The following SORCS3 variants were observed in gnomAD, a reference collection of about 807,000 sequenced individuals.
SORCS3 encodes VPS10 domain-containing receptor SorCS3.
Under a neutral mutation model 146.3 loss-of-function variants are expected in SORCS3, and 57 were observed. The ratio of observed to expected loss-of-function variants is 0.39; its 90% confidence interval spans 0.31 to 0.49. The LOEUF is 0.49. Among genes scored for constraint, SORCS3 ranks in the 20% least tolerant of loss-of-function variants. The pLI, the probability that SORCS3 is intolerant of heterozygous loss-of-function variation, is 0.92. For missense variants in SORCS3, 1,341 were observed against 1,575.5 expected, an observed-to-expected ratio of 0.85 and a Z score of 2.52; for synonymous variants, 653 against 618.5, an observed-to-expected ratio of 1.06 and a Z score of -0.83.
intron 19 of SORCS3, among the ~76,000 whole-genome samples, chr10:105,222,562 G>A (rs2056710242): frequency 6.6e-6 from 1 of 152,132 alleles, no homozygotes; most frequent in Admixed American, 6.5e-5. Flanking sequence ...TGGGAACCTG[G>A]CATTTGTTTC....
intron 4 of SORCS3, among the ~76,000 whole-genome samples, chr10:105,019,270 A>G (rs531646912): frequency 1.5e-4 from 23 of 152,138 alleles, no homozygotes; most frequent in Admixed American, 2.6e-4. Context: ...ACCATTACTT[A>G]ATGTCATTAA....
chr10:104,968,741 A>G (rs1332288950), intron 3 of SORCS3, among the ~76,000 whole-genome samples: 2 of 152,230 alleles, frequency 1.3e-5, no homozygotes, highest in East Asian at 3.8e-4. Context: ...CTATAATTAT[A>G]CATTGAAAGG....
chr10:104,890,532 T>C (rs564483459), intron 2 of SORCS3, among the ~76,000 whole-genome samples: 4 of 152,324 alleles, frequency 2.6e-5, no homozygotes, highest in African/African-American at 9.6e-5. Context: ...ATCTGAAAGT[T>C]TGATTTGTGT....
rs76389693 is a variant in SORCS3, at chr10:104,652,663, G to A, written c.627+10709G>A. ...AAACCCCAAGATTCTTATTCCAGGC[G>A]TGTTGTACAATTTTTTTCAAGTCAC... is the stretch of plus-strand genomic sequence containing the variant. On this transcript the variant is annotated intron_variant, in intron 1 of 26. Transcript: ENST00000369701. Among the ~76,000 whole-genome samples, 13 of 152,228 alleles carry A rather than the reference G, an allele frequency of 8.5e-5. No homozygotes were observed. The East Asian group carries it at 2.3e-3, about 27-fold the overall frequency.
chr10:105,040,443 C>A (rs1464096323), intron 4 of SORCS3, among the ~76,000 whole-genome samples: 1 of 152,156 alleles, frequency 6.6e-6, no homozygotes, highest in Non-Finnish European at 1.5e-5. Context: ...GCCATATTGG[C>A]ACCTTTGCTC....
chr10:104,893,472 C>T (rs1225843218), intron 2 of SORCS3, among the ~76,000 whole-genome samples: 1 of 152,170 alleles, frequency 6.6e-6, no homozygotes, highest in African/African-American at 2.4e-5. Flanking sequence ...AGGTAAGGTG[C>T]AGTTCACTCC....
At chr10:104,652,191 T>C (rs2015571355) in intron 1 of SORCS3, among the ~76,000 whole-genome samples, 1 of 152,186 alleles carries the variant, frequency 6.6e-6, no homozygotes, top group Non-Finnish European at 1.5e-5. Flanking sequence ...TTGGTCTTAC[T>C]TCAAGCAGAT....
intron 9 of SORCS3, among the ~76,000 whole-genome samples, chr10:105,149,360 G>C (rs1482346454): frequency 6.6e-6 from 1 of 152,150 alleles, no homozygotes; most frequent in African/African-American, 2.4e-5. Flanking sequence ...TTCCTAGAGA[G>C]TAACTGACAA....
chr10:105,230,601 A>G (rs530528520), intron 20 of SORCS3, among the ~76,000 whole-genome samples: 2 of 152,142 alleles, frequency 1.3e-5, no homozygotes, highest in Non-Finnish European at 2.9e-5. Flanking sequence ...CAGTAATGGC[A>G]GCTATGGGTG....
chr10:104,745,486 C>T (rs562050790), intron 1 of SORCS3, among the ~76,000 whole-genome samples: 2 of 152,030 alleles, frequency 1.3e-5, no homozygotes, highest in East Asian at 1.9e-4. Flanking sequence ...TAGTGTACAC[C>T]CTTGAAACCA....
chr10:105,100,566 A>C (rs2055776976), intron 6 of SORCS3, among the ~76,000 whole-genome samples: 1 of 152,204 alleles, frequency 6.6e-6, no homozygotes, highest in South Asian at 2.1e-4. Context: ...CATCCAGGTT[A>C]AACTCAAGGG....
chr10:105,159,702 T>C lies in SORCS3; in HGVS notation c.1732+708T>C, dbSNP rs201457781. On this transcript the variant is annotated intron_variant, in intron 11 of 26. Coordinates refer to ENST00000369701, the MANE Select transcript of SORCS3 (RefSeq NM_014978.3). ...AGAGCTCCGGTGTTGGTCAGCTTAT[T>C]TTTCTAATGAAAGCAGATAAATTCA... 4.6e-5 allele frequency among the ~76,000 whole-genome samples: 7 copies of C among 152,374 alleles called. No individual in the cohort carries two copies. The East Asian group carries it at 1.2e-3, about 25-fold the overall frequency.
chr10:104,868,137 C>A (rs2018479900), intron 2 of SORCS3, among the ~76,000 whole-genome samples: 1 of 152,206 alleles, frequency 6.6e-6, no homozygotes, highest in Non-Finnish European at 1.5e-5. Flanking sequence ...TACATTTCCA[C>A]CTTCACTCTG....
intron 7 of SORCS3, among the ~76,000 whole-genome samples, chr10:105,110,567 A>G (rs2055852916): frequency 6.6e-6 from 1 of 152,136 alleles, no homozygotes; most frequent in Admixed American, 6.6e-5. Context: ...TCAGCTTAAC[A>G]AGAATCCTTC....
chr10:105,150,398 G>T (rs2119475601), intron 9 of SORCS3, among the ~76,000 whole-genome samples: 1 of 152,272 alleles, frequency 6.6e-6, no homozygotes, highest in South Asian at 2.1e-4. Context: ...AAAAGGATGT[G>T]ATCTGTGCAG....
At position 105,139,494 on chromosome 10, in the gene SORCS3, A is replaced by C. The variant is rs375030979; in HGVS notation, c.1302+8A>C. On this transcript the variant is annotated splice_region_variant and intron_variant, in intron 8 of 26. Transcript: ENST00000369701. ...AAGTACTCGTTGCCAAAGGTACTGC[A>C]TGCACCACTAGCGGTCCTGGGTCCC... The C allele has an allele frequency of 2.5e-6, 4 of 1,609,902 alleles. No homozygotes were observed. The highest frequency in any genetic ancestry group is 3.4e-6 in the Non-Finnish European group (4 of 1,176,402).
At chr10:105,221,652 T>C (rs2056703130) in intron 19 of SORCS3, among the ~76,000 whole-genome samples, 1 of 152,124 alleles carries the variant, frequency 6.6e-6, no homozygotes, top group African/African-American at 2.4e-5. Context: ...CTGACTTGTC[T>C]CCAGAATTAC....
chr10:104,694,256 C>G (rs924045461), intron 1 of SORCS3, among the ~76,000 whole-genome samples: 1 of 151,580 alleles, frequency 6.6e-6, no homozygotes, highest in Admixed American at 6.6e-5. Context: ...AACTGCCCTT[C>G]TCTGAGACAG....
intron 20 of SORCS3, among the ~76,000 whole-genome samples, chr10:105,232,918 T>C (rs1303732430): frequency 6.6e-6 from 1 of 152,094 alleles, no homozygotes; most frequent in Non-Finnish European, 1.5e-5. Flanking sequence ...TCATATTTGT[T>C]AAAGTGTGTT....
Sources: allele counts gnomAD v4.1 joint callset (sites outside exome capture counted in the v4.1 genomes callset), GRCh38; gene constraint gnomAD v4.1.1; transcripts MANE v1.5; gene names NCBI Gene and HGNC (gene_info 2026-07-23, HGNC 2026-07-21).